Variants in NEO1 observed in about 807,000 individuals in gnomAD.
The protein encoded by NEO1 is neogenin 1, also known as neogenin.
A neutral mutation model predicts 159.7 loss-of-function variants in NEO1; 63 were observed. The ratio of observed to expected loss-of-function variants is 0.39; its 90% confidence interval spans 0.32 to 0.49. The LOEUF (loss-of-function observed/expected upper bound fraction) is 0.49, where lower values mean the gene tolerates loss of function less well. NEO1 is among the 20% of genes least tolerant of loss of function. The pLI is 0.85. For synonymous variants in NEO1, 633 were observed against 662.0 expected (o/e 0.96, Z 0.67); for missense variants, 1,615 against 1,831.0 (o/e 0.88, Z 2.15).
At chr15:73,092,953 A>G (rs2151455617) in intron 1 of NEO1, among the ~76,000 whole-genome samples, 1 of 152,238 alleles carries the variant, frequency 6.6e-6, no homozygotes, top group Admixed American at 6.5e-5. Flanking sequence ...TTTCTGTTCC[A>G]GAATCCCATC....
intron 16 of NEO1, among the ~76,000 whole-genome samples, chr15:73,269,795 C>G (rs555312533): frequency 3.3e-5 from 5 of 152,280 alleles, no homozygotes; most frequent in Admixed American, 1.3e-4. Flanking sequence ...TAGTTTATTA[C>G]TGCTTCTCTT....
intron 4 of NEO1, among the ~76,000 whole-genome samples, chr15:73,134,779 C>T (rs1456264480): frequency 4.0e-5 from 6 of 151,844 alleles, no homozygotes; most frequent in Non-Finnish European, 8.8e-5. Context: ...GAGGCCGGGG[C>T]GGGTGGATCA....
intron 14 of NEO1, among the ~76,000 whole-genome samples, chr15:73,259,836 A>G (rs747747200): frequency 6.6e-6 from 1 of 152,122 alleles, no homozygotes; most frequent in African/African-American, 2.4e-5. Flanking sequence ...AATTGGTGCT[A>G]TTGCTATAAT....
intron 4 of NEO1, among the ~76,000 whole-genome samples, chr15:73,128,476 A>T (rs999070989): frequency 6.6e-6 from 1 of 152,170 alleles, no homozygotes; most frequent in Non-Finnish European, 1.5e-5. Context: ...GCTTTCTATG[A>T]TTCTCATTTG....
At chr15:73,127,197 C>T (rs934198662) in intron 4 of NEO1, among the ~76,000 whole-genome samples, 1 of 150,616 alleles carries the variant, frequency 6.6e-6, no homozygotes, top group Admixed American at 6.6e-5. Context: ...CGTCACTGCA[C>T]TCTAGCCTGG....
At chr15:73,098,325 T>C (rs2070200057) in intron 1 of NEO1, among the ~76,000 whole-genome samples, 1 of 152,192 alleles carries the variant, frequency 6.6e-6, no homozygotes, top group Non-Finnish European at 1.5e-5. Context: ...TTTTAAAATC[T>C]AATTTTGTTT....
At chr15:73,147,046 G>A (rs1446297872) in intron 5 of NEO1, among the ~76,000 whole-genome samples, 2 of 152,086 alleles carry the variant, frequency 1.3e-5, no homozygotes, top group African/African-American at 2.4e-5. Context: ...AAGGATATAT[G>A]GTTTTTGGAA....
intron 7 of NEO1, among the ~76,000 whole-genome samples, chr15:73,210,538 T>C (rs1446570520): frequency 6.6e-6 from 1 of 152,252 alleles, no homozygotes; most frequent in Non-Finnish European, 1.5e-5. Flanking sequence ...GAGTGTTGAA[T>C]GCATAACTTT....
At position 73,135,961 on chromosome 15, in the gene NEO1, A is replaced by G. The variant is rs551179669; in HGVS notation, c.949A>G (p.Thr317Ala). The G allele has an allele frequency of 5.0e-6, 8 of 1,608,090 alleles. No individual in the cohort carries two copies. The highest frequency in any genetic ancestry group is 6.8e-6 in the Non-Finnish European group (8 of 1,178,688). Residue 317 changes from threonine (T) to alanine (A), a missense_variant, in exon 5 of 29, where the codon ACT becomes GCT. This residue lies in a region of NEO1 where 1,018 missense variants were observed against 1,115.4 expected (regional missense o/e 0.91). Transcript: ENST00000261908. ...ISDVTEDDAG[T>A]YFCIADNGNE... ...TGATGTTACTGAGGATGATGCTGGG[A>G]CTTATTTTTGTATAGCTGATAATGG...
intron 7 of NEO1, among the ~76,000 whole-genome samples, chr15:73,180,263 T>TGC (rs1490440074): frequency 2.6e-5 from 4 of 152,210 alleles, no homozygotes; most frequent in African/African-American, 4.8e-5. Context: ...CTCTGGCTTT[T>TGC]CACTAACATG....
chr15:73,154,349 A>C (rs948110503), intron 5 of NEO1, among the ~76,000 whole-genome samples: 2 of 152,200 alleles, frequency 1.3e-5, no homozygotes, highest in African/African-American at 4.8e-5. Context: ...TTGTGTTACA[A>C]ACAGTCCAGT....
At position 73,088,818 on chromosome 15, in the gene NEO1, T is replaced by C. The variant is rs140075476; in HGVS notation, c.131-27722T>C. 6.2e-3 allele frequency among the ~76,000 whole-genome samples: 948 copies of C among 152,070 alleles called. 6 individuals are homozygous for C. Among genetic ancestry groups the C allele is most frequent in the Middle Eastern group, 0.044 (13 of 294 alleles). ...AGCATTTTAGTTAATTTTGGTAAAT[T>C]AATTGGGCGTGAAATAGAGAAGATG... On this transcript the variant is annotated intron_variant, in intron 1 of 28. Transcript: ENST00000261908.
intron 1 of NEO1, among the ~76,000 whole-genome samples, chr15:73,053,008 C>T (rs2067530221): frequency 6.6e-6 from 1 of 151,626 alleles, no homozygotes; most frequent in Non-Finnish European, 1.5e-5. Flanking sequence ...GGGGCGGCTG[C>T]CGGGGGGCAG....
intron 1 of NEO1, among the ~76,000 whole-genome samples, chr15:73,099,354 GTTTATC>G (rs1235245051): frequency 6.6e-6 from 1 of 152,180 alleles, no homozygotes; most frequent in Non-Finnish European, 1.5e-5. Context: ...TTTGAATTTA[GTTTATC>G]TTTATCAGTA....
At chr15:73,278,335 A>G in intron 22 of NEO1, 136 bp downstream of exon 22, 1 of 663,170 alleles carries the variant, frequency 1.5e-6, no homozygotes, top group Admixed American at 2.8e-5. Context: ...GCTAGATTTA[A>G]GTGTTTGCCA....
intron 25 of NEO1, among the ~76,000 whole-genome samples, chr15:73,290,867 C>T (rs1008591752): frequency 9.9e-5 from 15 of 152,108 alleles, no homozygotes; most frequent in African/African-American, 3.6e-4. Context: ...GGAAAAGTTC[C>T]TCAAATCCCC....
rs759474385 is a variant in NEO1 at position 73,289,188 on chromosome 15, G to A, written c.3692G>A (p.Arg1231Gln). The A allele has an allele frequency of 5.0e-6, 8 of 1,613,952 alleles. No homozygotes were observed. Among genetic ancestry groups the A allele is most frequent in the South Asian group, 3.3e-5 (3 of 91,062 alleles). The change falls in exon 25 of 29, where the codon CGA becomes CAA. Residue 1231 changes from arginine to glutamine, a missense_variant. Arg to Gln is a conservative substitution (Grantham distance 43). Transcript: ENST00000261908. ...AGCATGTCTACACTGGCTGGAAGGC[G>A]AGGAATGAGACCAAAAATGATGATG... ...EDSMSTLAGR[R>Q]GMRPKMMMPF...
chr15:73,293,547 A>C lies in NEO1; in HGVS notation c.3900A>C (p.Thr1300=). 1 of 1,613,700 alleles carries C rather than the reference A, an allele frequency of 6.2e-7. No individual in the cohort carries two copies. Among genetic ancestry groups the C allele is most frequent in the Non-Finnish European group, 8.5e-7 (1 of 1,179,762 alleles). ...SMSLSDRANS[T]ESVRNTPSTD... ...CCCTTTCAGACAGGGCCAATTCCAC[A>C]GGTGAGAGATGAGGATCAAGCCCAG... Residue 1300 remains threonine, a splice_region_variant and synonymous_variant, in exon 26 of 29, where the codon ACA becomes ACC. Coordinates refer to ENST00000261908, the MANE Select transcript of NEO1 (RefSeq NM_002499.4).
In NEO1 at chr15:73,260,317, C is replaced by A. The variant is rs1408214970; in HGVS notation, c.2250C>A (p.Leu750=). 6.2e-7 allele frequency: 1 copy of A among 1,613,936 alleles called. No individual in the cohort carries two copies. Among genetic ancestry groups the A allele is most frequent in the Admixed American group, 1.7e-5 (1 of 60,008 alleles). The stretch of plus-strand genomic sequence containing the variant: ...CTAGCTCTCTTCACGTACGCCCGCT[C>A]GTTACTAGCATCGTAGTGAGCTGGA... ...EVPSSLHVRP[L]VTSIVVSWTP... Residue 750 remains leucine, a synonymous_variant, in exon 15 of 29, where the codon CTC becomes CTA. Coordinates refer to ENST00000261908, the MANE Select transcript of NEO1 (RefSeq NM_002499.4).
Sources: allele counts gnomAD v4.1 joint callset (sites outside exome capture counted in the v4.1 genomes callset), GRCh38; gene constraint gnomAD v4.1.1; regional missense constraint gnomAD v4.1.1; transcripts MANE v1.5; gene names NCBI Gene and HGNC (gene_info 2026-07-23, HGNC 2026-07-21).